Variants in APBA1 observed in about 807,000 individuals in gnomAD.
APBA1 encodes amyloid-beta A4 precursor protein-binding family A member 1.
A neutral mutation model predicts 86.6 loss-of-function variants in APBA1; 55 were observed. That is an observed-to-expected ratio of 0.64 (90% CI 0.51 to 0.80). The LOEUF (loss-of-function observed/expected upper bound fraction) is 0.80, where lower values mean the gene tolerates loss of function less well. Ranked by LOEUF, APBA1 falls within the 30% of genes least tolerant of loss-of-function variation. APBA1 has a pLI of 0.00. For missense variants in APBA1, 1,090 were observed against 1,183.0 expected (o/e 0.92, Z 1.15); for synonymous variants, 511 against 493.9 (o/e 1.03, Z -0.46).
chr9:69,530,306 GTATA>G (rs370549415), intron 1 of APBA1, among the ~76,000 whole-genome samples: 10,658 of 115,792 alleles, frequency 0.092, 526 homozygotes, highest in Non-Finnish European at 0.12. Flanking sequence ...TTGTGTGTGT[GTATA>G]TATATATATA....
At chr9:69,544,577 C>T (rs1836667162) in intron 1 of APBA1, among the ~76,000 whole-genome samples, 1 of 152,156 alleles carries the variant, frequency 6.6e-6, no homozygotes, top group African/African-American at 2.4e-5. Flanking sequence ...TTAGTCCATA[C>T]CTAACCTTAT....
In APBA1 at chr9:69,434,439, C is replaced by T. The variant is rs1034406610; in HGVS notation, c.2302-1763G>A. ...AAAACAAAAAAAAAAAAGTCAAAGG[C>T]CCTGGGAGCCTGGGATACCAGCACT... is the stretch of plus-strand genomic sequence containing the variant. On this transcript the variant is annotated intron_variant, in intron 11 of 12. Coordinates refer to ENST00000265381, the MANE Select transcript of APBA1 (RefSeq NM_001163.4). Among the ~76,000 whole-genome samples, 5 of 152,054 alleles carry T rather than the reference C, an allele frequency of 3.3e-5. 1 individual carries two copies. The highest frequency in any genetic ancestry group is 4.4e-5 in the Non-Finnish European group (3 of 67,970).
intron 8 of APBA1, among the ~76,000 whole-genome samples, chr9:69,453,340 A>G (rs1437347051): frequency 6.6e-6 from 1 of 152,166 alleles, no homozygotes; most frequent in Non-Finnish European, 1.5e-5. Flanking sequence ...TTTCCAGTTG[A>G]GGAGATGGAG....
At chr9:69,460,048 G>A (rs182448354) in intron 5 of APBA1, among the ~76,000 whole-genome samples, 2 of 152,230 alleles carry the variant, frequency 1.3e-5, no homozygotes, top group East Asian at 3.9e-4. Flanking sequence ...CATATTCCTG[G>A]GTACTCACCT....
intron 1 of APBA1, among the ~76,000 whole-genome samples, chr9:69,653,338 GT>G (rs1163669379): frequency 6.6e-6 from 1 of 152,108 alleles, no homozygotes; most frequent in Admixed American, 6.5e-5. Flanking sequence ...AAAGGGAGAG[GT>G]TGACTACAAT....
At chr9:69,595,194 T>C (rs2133968257) in intron 1 of APBA1, among the ~76,000 whole-genome samples, 1 of 152,316 alleles carries the variant, frequency 6.6e-6, no homozygotes, top group South Asian at 2.1e-4. Context: ...GGGTAATATC[T>C]GTAATATTGC....
At chr9:69,656,507 C>A (rs1823614034) in intron 1 of APBA1, among the ~76,000 whole-genome samples, 1 of 152,152 alleles carries the variant, frequency 6.6e-6, no homozygotes, top group Non-Finnish European at 1.5e-5. Flanking sequence ...AAGTTAAGAA[C>A]AGGCAAAACT....
chr9:69,461,353 T>G (rs955431326), intron 5 of APBA1: 1 of 151,720 alleles, frequency 6.6e-6, no homozygotes, highest in Non-Finnish European at 1.5e-5. Flanking sequence ...ACCCCCTTAC[T>G]CCATCCACAA....
chr9:69,549,200 A>G (rs962311335), intron 1 of APBA1, among the ~76,000 whole-genome samples: 1 of 152,154 alleles, frequency 6.6e-6, no homozygotes, highest in African/African-American at 2.4e-5. Context: ...TCACTTTGCA[A>G]TCTCATCTCT....
chr9:69,569,149 G>A (rs937595065), intron 1 of APBA1, among the ~76,000 whole-genome samples: 20 of 152,148 alleles, frequency 1.3e-4, no homozygotes, highest in African/African-American at 4.8e-4. Context: ...TCCCTGAAAA[G>A]GAAAGTTAAC....
chr9:69,492,701 C>A (rs1418462713), intron 2 of APBA1, among the ~76,000 whole-genome samples: 1 of 151,994 alleles, frequency 6.6e-6, no homozygotes, highest in Non-Finnish European at 1.5e-5. Context: ...GATTGATTTA[C>A]ATAAGAGAAT....
intron 1 of APBA1, among the ~76,000 whole-genome samples, chr9:69,643,061 C>T (rs1034208788): frequency 6.6e-6 from 1 of 152,016 alleles, no homozygotes; most frequent in Non-Finnish European, 1.5e-5. Context: ...CCCCCCTCCA[C>T]ACACAGCCTG....
intron 1 of APBA1, among the ~76,000 whole-genome samples, chr9:69,567,403 AATTTTTTT>A (rs978352981): frequency 2.3e-4 from 35 of 152,064 alleles, no homozygotes; most frequent in African/African-American, 7.7e-4. Flanking sequence ...CCTTTCTGTG[AATTTTTTT>A]ATTTTTTTAT....
chr9:69,459,959 A>G (rs1278062540), intron 5 of APBA1, among the ~76,000 whole-genome samples: 1 of 152,248 alleles, frequency 6.6e-6, no homozygotes, highest in Admixed American at 6.5e-5. Flanking sequence ...CAGATCTTGT[A>G]CAAATAATGG....
At chr9:69,513,436 C>A (rs1236690131) in intron 2 of APBA1, among the ~76,000 whole-genome samples, 2 of 152,200 alleles carry the variant, frequency 1.3e-5, no homozygotes, top group Non-Finnish European at 2.9e-5. Context: ...CAGCTTTTTC[C>A]TCTGGTGGCT....
At chr9:69,595,891 C>T (rs1032483369) in intron 1 of APBA1, among the ~76,000 whole-genome samples, 1 of 152,174 alleles carries the variant, frequency 6.6e-6, no homozygotes, top group Non-Finnish European at 1.5e-5. Context: ...ATCAGTGATG[C>T]TTCAGAGGGG....
At chr9:69,636,840 G>A (rs3970356) in intron 1 of APBA1, among the ~76,000 whole-genome samples, 6 of 13,564 alleles carry the variant, frequency 4.4e-4, no homozygotes, top group African/African-American at 6.8e-4. Flanking sequence ...AGGGAGGGAG[G>A]GAGGGAGGGA....
intron 1 of APBA1, among the ~76,000 whole-genome samples, chr9:69,552,840 TCA>T (rs1836807623): frequency 6.6e-6 from 1 of 151,958 alleles, no homozygotes; most frequent in Non-Finnish European, 1.5e-5. Context: ...CTGATATTTT[TCA>T]GAGTTAATTT....
chr9:69,636,804 AG>A (rs1564098735), intron 1 of APBA1, among the ~76,000 whole-genome samples: 4 of 4,566 alleles, frequency 8.8e-4, no homozygotes, highest in Admixed American at 5.0e-3. Context: ...CAAAAAAAGA[AG>A]AGAGAGAGAG....
Sources: allele counts gnomAD v4.1 joint callset (sites outside exome capture counted in the v4.1 genomes callset), GRCh38; gene constraint gnomAD v4.1.1; transcripts MANE v1.5; gene names NCBI Gene and HGNC (gene_info 2026-07-23, HGNC 2026-07-21).